ESR1: variants seen among roughly 807,000 people sequenced by gnomAD.
ESR1 encodes estrogen receptor.
A neutral mutation model predicts 52.7 loss-of-function variants in ESR1; 12 were observed. The observed-to-expected ratio is 0.23, with a 90% CI of 0.15 to 0.37. The LOEUF is 0.37. Among genes scored for constraint, ESR1 ranks in the 10% least tolerant of loss-of-function variants. ESR1 has a pLI of 1.00. For synonymous variants in ESR1, 305 were observed against 316.8 expected, an observed-to-expected ratio of 0.96 and a Z score of 0.39; for missense variants, 584 against 779.7, an observed-to-expected ratio of 0.75 and a Z score of 2.99.
At chr6:152,067,150 G>C (rs1204415459) in intron 6 of ESR1, among the ~76,000 whole-genome samples, 1 of 152,232 alleles carries the variant, frequency 6.6e-6, no homozygotes, top group African/African-American at 2.4e-5. Flanking sequence ...GCATTCCCAT[G>C]ATGAAGATGT....
rs140555278 is a variant in ESR1 at position 151,808,060 on chromosome 6, G to A, written c.148G>A (p.Ala50Thr). The A allele has an allele frequency of 2.5e-6, 4 of 1,613,340 alleles. No homozygotes were observed. In the African/African-American group the frequency reaches 4.0e-5, roughly 16 times the overall value. Residue 50 changes from alanine to threonine, a missense_variant, in exon 1 of 8, where the codon GCC (alanine) becomes ACC (threonine). Physicochemically the swap from Ala to Thr is moderately conservative, Grantham distance 58. Coordinates refer to ENST00000206249, the MANE Select transcript of ESR1 (RefSeq NM_000125.4). ...GGTGTACCTGGACAGCAGCAAGCCC[G>A]CCGTGTACAACTACCCCGAGGGCGC... ...GEVYLDSSKPAVYNYPEGAAY... is the reference protein window; with the variant it reads ...GEVYLDSSKPTVYNYPEGAAY...
chr6:151,819,281 G>GT (rs1780169441), intron 1 of ESR1, among the ~76,000 whole-genome samples: 1 of 152,122 alleles, frequency 6.6e-6, no homozygotes, highest in Non-Finnish European at 1.5e-5. Flanking sequence ...TGTAAATAGA[G>GT]TTGTCTTCCC....
chr6:152,058,536 T>A (rs1235107131), intron 5 of ESR1, among the ~76,000 whole-genome samples: 2 of 152,348 alleles, frequency 1.3e-5, no homozygotes, highest in East Asian at 3.9e-4. Context: ...CTAAGCACTT[T>A]ACATAAAAAA....
intron 3 of ESR1, among the ~76,000 whole-genome samples, chr6:151,888,026 T>C (rs533985129): frequency 2.0e-5 from 3 of 152,220 alleles, no homozygotes; most frequent in Admixed American, 1.3e-4. Flanking sequence ...CTGGGTTCTC[T>C]ATTCTGTTCC....
upstream of ESR1, among the ~76,000 whole-genome samples, chr6:151,802,140 T>C (rs555678834): frequency 9.0e-4 from 137 of 152,352 alleles, 1 homozygote; most frequent in African/African-American, 2.9e-3. Context: ...ATGTATTTCA[T>C]TGTATATAAA....
intron 5 of ESR1, among the ~76,000 whole-genome samples, chr6:152,051,782 A>G (rs983097789): frequency 2.6e-5 from 4 of 152,174 alleles, no homozygotes; most frequent in Non-Finnish European, 5.9e-5. Context: ...AATACCATGC[A>G]TTTCCCTTCA....
At chr6:151,758,659 G>A (rs780909866) in intron 2 of ESR1, among the ~76,000 whole-genome samples, 14 of 151,924 alleles carry the variant, frequency 9.2e-5, no homozygotes, top group Admixed American at 2.6e-4. Flanking sequence ...TACTCAGGAG[G>A]CTGAGGCAGG....
intron 1 of ESR1, among the ~76,000 whole-genome samples, chr6:151,819,740 A>T (rs943815746): frequency 3.9e-5 from 6 of 152,174 alleles, no homozygotes; most frequent in Non-Finnish European, 7.3e-5. Context: ...TGCGCAATAA[A>T]TGTGATGCAC....
intron 1 of ESR1, among the ~76,000 whole-genome samples, chr6:151,839,494 T>C (rs541310047): frequency 6.6e-6 from 1 of 152,326 alleles, no homozygotes; most frequent in South Asian, 2.1e-4. Flanking sequence ...TCTGGGTATA[T>C]ATCTAAAAGA....
intron 3 of ESR1, among the ~76,000 whole-genome samples, chr6:151,940,945 A>T (rs756184746): frequency 3.2e-4 from 49 of 152,192 alleles, no homozygotes; most frequent in Admixed American, 9.8e-4. Context: ...TTGATTCTAA[A>T]ATTCTTCTGC....
At chr6:151,799,956 G>A (rs555763053), upstream of ESR1, among the ~76,000 whole-genome samples, 46 of 152,296 alleles carry the variant, frequency 3.0e-4, 1 homozygote, top group South Asian at 8.9e-3. Context: ...GGGGACTCTT[G>A]ATAAATGAGG....
intron 1 of ESR1, among the ~76,000 whole-genome samples, chr6:151,685,152 A>G (rs1778612157): frequency 1.0e-5 from 1 of 95,358 alleles, no homozygotes; most frequent in Non-Finnish European, 1.9e-5. Context: ...TTTGAGACGG[A>G]GTCTCGCTCT....
chr6:152,092,164 T>A (rs2050238611), intron 6 of ESR1, among the ~76,000 whole-genome samples: 1 of 152,216 alleles, frequency 6.6e-6, no homozygotes, highest in Admixed American at 6.5e-5. Flanking sequence ...ATAGACACAT[T>A]CTTTCTCTAC....
intron 1 of ESR1, among the ~76,000 whole-genome samples, chr6:151,668,563 G>A (rs189482157): frequency 4.7e-4 from 71 of 152,260 alleles, no homozygotes; most frequent in Admixed American, 1.2e-3. Context: ...GATTACAGGC[G>A]TGAGCCACTG....
intron 4 of ESR1, among the ~76,000 whole-genome samples, chr6:152,003,304 AACTT>A (rs957833028): frequency 6.6e-5 from 10 of 151,646 alleles, no homozygotes; most frequent in African/African-American, 2.4e-4. Flanking sequence ...GTCATCAAAC[AACTT>A]ACTTGTTAAA....
At chr6:151,956,879 TA>T (rs142377365) in intron 4 of ESR1, among the ~76,000 whole-genome samples, 2 of 32,030 alleles carry the variant, frequency 6.2e-5, no homozygotes, top group East Asian at 1.0e-3. Context: ...TATATATATA[TA>T]AAATTTTTTT....
intron 1 of ESR1, among the ~76,000 whole-genome samples, chr6:151,832,070 A>G (rs1247632843): frequency 1.3e-5 from 2 of 152,244 alleles, no homozygotes. Flanking sequence ...CACCATGATT[A>G]CAAATAAAAT....
At chr6:151,969,440 A>ACAAGT (rs2038665704) in intron 4 of ESR1, among the ~76,000 whole-genome samples, 2 of 152,198 alleles carry the variant, frequency 1.3e-5, no homozygotes, top group Non-Finnish European at 2.9e-5. Flanking sequence ...ATGTAGAGCA[A>ACAAGT]GCAAGTGCCC....
In ESR1 at chr6:152,049,419, G is replaced by A. The variant is rs1008658779; in HGVS notation, c.1236-11572G>A. Reference sequence around the variant, plus strand: ...AGTAAATAGCAAGGGGTAGCATGGAGTCTTACTCCCGTGTGACAGACAGCT... The same window carrying A: ...AGTAAATAGCAAGGGGTAGCATGGAATCTTACTCCCGTGTGACAGACAGCT... On this transcript the variant is annotated intron_variant, in intron 5 of 7. Coordinates refer to ENST00000206249, the MANE Select transcript of ESR1 (RefSeq NM_000125.4). 3.9e-5 allele frequency among the ~76,000 whole-genome samples: 6 copies of A among 152,222 alleles called. No individual in the cohort carries two copies. The East Asian group carries it at 1.2e-3, about 29-fold the overall frequency.
Sources: allele counts gnomAD v4.1 joint callset (sites outside exome capture counted in the v4.1 genomes callset), GRCh38; gene constraint gnomAD v4.1.1; transcripts MANE v1.5; gene names NCBI Gene and HGNC (gene_info 2026-07-23, HGNC 2026-07-21).